LTBP4: variants seen among roughly 807,000 people sequenced by gnomAD.
LTBP4 encodes latent-transforming growth factor beta-binding protein 4.
LTBP4 carries 93 observed loss-of-function variants against 180.2 expected under a neutral mutation model. The ratio of observed to expected loss-of-function variants is 0.52; its 90% CI spans 0.44 to 0.61. LTBP4 has a LOEUF of 0.61. Ranked by LOEUF, LTBP4 falls within the 20% of genes least tolerant of loss-of-function variation. The pLI is 0.00. For missense variants in LTBP4, 2,116 were observed against 2,256.5 expected, an observed-to-expected ratio of 0.94 and a Z score of 1.26; for synonymous variants, 947 against 934.5, an observed-to-expected ratio of 1.01 and a Z score of -0.24.
intron 26 of LTBP4, among the ~76,000 whole-genome samples, chr19:40,625,291 TATATATATATATA>T (rs2081622238): frequency 8.7e-5 from 1 of 11,450 alleles, no homozygotes; most frequent in Non-Finnish European, 1.4e-4. Context: ...TATATATATA[TATATATATATATA>T]TATATATATA....
intron 19 of LTBP4, among the ~76,000 whole-genome samples, chr19:40,616,672 G>C (rs749676728): frequency 2.6e-5 from 4 of 152,232 alleles, no homozygotes; most frequent in Non-Finnish European, 5.9e-5. Context: ...AAAAGTTGCA[G>C]TGAGCTGAGA....
intron 21 of LTBP4, 94 bp from the exon 22 acceptor site, chr19:40,619,253 C>T (rs1193073449): frequency 1.0e-5 from 13 of 1,247,392 alleles, no homozygotes; most frequent in East Asian, 7.1e-5. Flanking sequence ...ATTAAATATA[C>T]ACATTATATT....
intron 21 of LTBP4, among the ~76,000 whole-genome samples, chr19:40,618,732 A>G (rs914873730): frequency 6.6e-6 from 1 of 152,250 alleles, no homozygotes; most frequent in African/African-American, 2.4e-5. Context: ...AGCAATCTTA[A>G]TTATACATTC....
intron 27 of LTBP4, 41 bp from the exon 28 acceptor site, chr19:40,626,934 G>A (rs2081637622): frequency 2.0e-6 from 3 of 1,513,682 alleles, no homozygotes; most frequent in East Asian, 4.6e-5. Flanking sequence ...GGGTGTGGGG[G>A]CCAGCAGGGG....
rs1300967031 is a variant in LTBP4 at position 40,613,683 on chromosome 19, A to T, written c.2557+154A>T. 7 of 1,191,704 alleles carry T rather than the reference A, an allele frequency of 5.9e-6. No individual in the cohort carries two copies. The highest frequency in any genetic ancestry group is 1.6e-5 in the African/African-American group (1 of 62,530). 73.8% of individuals were successfully genotyped at this position (1,191,704 alleles called of 1,614,324 possible). A position where few individuals can be genotyped will look rare whatever the true frequency, so the allele number is the denominator to read the frequency against. On this transcript the variant is annotated intron_variant, in intron 17 of 29. Transcript: ENST00000396819. This position sits in a 1 kb window ranked among gnomAD's most constrained non-coding sequence, Gnocchi z 5.0. ...AGCTGGTGGGAGTCTCGAGGCAGTG[A>T]GGGGGGGCGGGGCGTGGAGATGAAA... is the stretch of plus-strand genomic sequence containing the variant.
At chr19:40,610,328 C>T in intron 11 of LTBP4, 1 of 603,654 alleles carries the variant, frequency 1.7e-6, no homozygotes, top group East Asian at 2.9e-5. Context: ...CCCCAAAGCT[C>T]TCCTTTCTGC....
Position 40,611,016 on chromosome 19 carries a change from CAG to C in LTBP4, c.1811-133_1811-132del. 1.1e-5 allele frequency: 14 copies of C among 1,239,668 alleles called. No individual in the cohort carries two copies. Among genetic ancestry groups the C allele is most frequent in the Middle Eastern group, 2.0e-4 (1 of 5,114 alleles). 76.8% of individuals were successfully genotyped at this position (1,239,668 alleles called of 1,614,324 possible). A position where few individuals can be genotyped will look rare whatever the true frequency, so the allele number is the denominator to read the frequency against. On this transcript the variant is annotated intron_variant, in intron 12 of 29. Coordinates refer to ENST00000396819, the MANE Select transcript of LTBP4 (RefSeq NM_001042545.2). The surrounding 1 kb of genome is among the most constrained non-coding windows in gnomAD (Gnocchi z 4.4). The stretch of plus-strand genomic sequence containing the variant: ...GCTTAGTAGGGATTGGTGGAGGATG[CAG>C]AGTCAGATGATGGTGACAAGGAGGA...
rs1283401126 is a variant in LTBP4, at chr19:40,608,294, C to A, written c.1231C>A (p.Pro411Thr). The A allele has an allele frequency of 3.1e-6, 5 of 1,613,890 alleles. No homozygotes were observed. The highest frequency in any genetic ancestry group is 4.2e-6 in the Non-Finnish European group (5 of 1,179,866). ...CTCCGACCTCCGCTACAACACCAGA[C>A]CCCTGGGCCAGGAGCCACCCCGAGT... Reference protein sequence around the residue: ...SASDLRYNTRPLGQEPPRVSL... With the variant: ...SASDLRYNTRTLGQEPPRVSL... The change falls in exon 8 of 30, where the codon CCC becomes ACC. Residue 411 changes from proline to threonine, a missense_variant. By Grantham distance (38) the Pro-to-Thr change is conservative. Around this residue, in one of 5 missense-constraint regions of LTBP4, gnomAD observed 877 missense variants for 873.6 expected, o/e 1.00. Coordinates refer to ENST00000396819, the MANE Select transcript of LTBP4 (RefSeq NM_001042545.2).
Position 40,609,521 on chromosome 19 carries a change from AC to A in LTBP4, c.1427-3del, listed in dbSNP as rs752430637. The A allele has an allele frequency of 1.4e-5, 22 of 1,609,326 alleles. No individual in the cohort carries two copies. Among genetic ancestry groups the A allele is most frequent in the Non-Finnish European group, 8.5e-6 (10 of 1,177,252 alleles). ...AGATGGGGGAACCCTGGCTGACTGGACCCCCCAGGTCCCTCCTCCGGCATGT... is the reference window on the plus strand; with the variant it reads ...AGATGGGGGAACCCTGGCTGACTGGACCCCCAGGTCCCTCCTCCGGCATGT... On this transcript the variant is annotated splice_region_variant and splice_polypyrimidine_tract_variant and intron_variant, in intron 9 of 29. Coordinates refer to ENST00000396819, the MANE Select transcript of LTBP4 (RefSeq NM_001042545.2). The surrounding 1 kb of genome is among the most constrained non-coding windows in gnomAD (Gnocchi z 4.9).
At chr19:40,614,203 G>C in intron 18 of LTBP4, 112 bp from the exon 19 acceptor site, 1 of 1,451,918 alleles carries the variant, frequency 6.9e-7, no homozygotes, top group Non-Finnish European at 9.4e-7. Flanking sequence ...ATCTTCTCCT[G>C]CCCTCTCCTC....
chr19:40,598,814 G>A (rs1460363622), upstream of LTBP4, among the ~76,000 whole-genome samples: 1 of 152,202 alleles, frequency 6.6e-6, no homozygotes, highest in Non-Finnish European at 1.5e-5. Flanking sequence ...CCCGGACCGG[G>A]ATGTGCGGGA....
rs2081640067 is a variant in LTBP4 at position 40,627,124 on chromosome 19, G to A, written c.4135G>A (p.Ala1379Thr). The A allele has an allele frequency of 6.2e-7, 1 of 1,613,782 alleles. No individual in the cohort carries two copies. The highest frequency in any genetic ancestry group is 1.3e-5 in the African/African-American group (1 of 74,924). ...PYGPELYPPP[A>T]LPYDPYPPPP... ...TGGGCCTGAGTTGTACCCACCACCT[G>A]CGCTACCCTACGACCCCTACCCACC... is the stretch of plus-strand genomic sequence containing the variant. The change falls in exon 28 of 30, where the codon GCG (alanine) becomes ACG (threonine). Residue 1379 changes from alanine to threonine, a missense_variant. Ala to Thr is a moderately conservative substitution (Grantham distance 58). Transcript: ENST00000396819.
chr19:40,617,553 A>T (rs1437891003), intron 21 of LTBP4, among the ~76,000 whole-genome samples: 1 of 151,958 alleles, frequency 6.6e-6, no homozygotes, highest in Non-Finnish European at 1.5e-5. Context: ...CTGAGGCACA[A>T]GAATTGCCTG....
chr19:40,628,584 T>C (rs1312297022), intron 29 of LTBP4, among the ~76,000 whole-genome samples: 1 of 152,238 alleles, frequency 6.6e-6, no homozygotes, highest in African/African-American at 2.4e-5. Context: ...TGTGTGACGC[T>C]GGACAGGTCA....
Position 40,610,522 on chromosome 19 carries a change from G to T in LTBP4, c.1685-10G>T. On this transcript the variant is annotated splice_polypyrimidine_tract_variant and intron_variant, in intron 11 of 29. Transcript: ENST00000396819. ...TGCCCCAGTCCCAGCCGCCTGGTCT[G>T]TGCCTACAGATGTGGACGAGTGCCA... 1 of 1,591,566 alleles carries T rather than the reference G, an allele frequency of 6.3e-7. No individual in the cohort carries two copies. Among genetic ancestry groups the T allele is most frequent in the Non-Finnish European group, 8.5e-7 (1 of 1,174,184 alleles).
intron 7 of LTBP4, 57 bp downstream of exon 7, chr19:40,607,586 C>T (rs1024577975): frequency 2.0e-6 from 3 of 1,502,326 alleles, no homozygotes; most frequent in South Asian, 1.3e-5. Flanking sequence ...GCTCATTCTA[C>T]GCCCCACCCT....
chr19:40,623,630 G>C lies in LTBP4; in HGVS notation c.3583G>C (p.Asp1195His), dbSNP rs369387310. Residue 1195 changes from aspartate to histidine, a missense_variant, in exon 25 of 30, where the codon GAC (aspartate) becomes CAC (histidine). Transcript: ENST00000396819. ...CGTGGACGAATGTCAGCTCTTCCGA[G>C]ACCAGGTGTGCAAGAGTGGCGTGTG... ...RDVDECQLFR[D>H]QVCKSGVCVN... 30 of 1,613,632 alleles carry C rather than the reference G, an allele frequency of 1.9e-5. No homozygotes were observed. The highest frequency in any genetic ancestry group is 2.3e-5 in the Non-Finnish European group (27 of 1,179,854).
At position 40,623,980 on chromosome 19, in the gene LTBP4, C is replaced by G. The variant is rs1321298388; in HGVS notation, c.3730C>G (p.Arg1244Gly). The G allele has an allele frequency of 1.2e-6, 2 of 1,613,696 alleles. No homozygotes were observed. Among genetic ancestry groups the G allele is most frequent in the African/African-American group, 2.7e-5 (2 of 74,936 alleles). ...ADEEPACEGG[R>G]CVNTVGSYHC... is the part of the protein sequence containing the mutation. ...TGAGGAACCGGCCTGTGAGGGCGGC[C>G]GCTGTGTCAACACTGTGGGCTCTTA... Residue 1244 changes from arginine (R) to glycine (G), a missense_variant, in exon 26 of 30, where the codon CGC (arginine) becomes GGC (glycine). Coordinates refer to ENST00000396819, the MANE Select transcript of LTBP4 (RefSeq NM_001042545.2).
In LTBP4 at chr19:40,601,569, G is replaced by C; in HGVS notation, c.182G>C (p.Arg61Pro). 2 of 1,471,212 alleles carry C rather than the reference G, an allele frequency of 1.4e-6. No individual in the cohort carries two copies. The highest frequency in any genetic ancestry group is 1.8e-6 in the Non-Finnish European group (2 of 1,116,744). 91.1% of individuals were successfully genotyped at this position (1,471,212 alleles called of 1,614,324 possible). The change falls in exon 1 of 30, where the codon CGC (arginine) becomes CCC (proline). Residue 61 changes from arginine to proline, a missense_variant. This residue lies in a region of LTBP4 where 469 missense variants were observed against 532.5 expected (regional missense o/e 0.88). Coordinates refer to ENST00000396819, the MANE Select transcript of LTBP4 (RefSeq NM_001042545.2). Reference sequence around the variant, plus strand: ...CGCTGTACCCCGACCTGCGCGCCCCGCAACGCCACCAGCGTGGACAGCGGC... The same window carrying C: ...CGCTGTACCCCGACCTGCGCGCCCCCCAACGCCACCAGCGTGGACAGCGGC... The part of the protein sequence containing the change: ...GSRCTPTCAP[R>P]NATSVDSGAP...
Sources: gnomAD v4.1 joint callset for allele counts (sites outside exome capture counted in the v4.1 genomes callset) on GRCh38, gnomAD v4.1.1 for gene constraint, gnomAD v4.1.1 regional missense constraint, Gnocchi (gnomAD v3.1) non-coding constraint, MANE v1.5 for transcripts, NCBI Gene and HGNC (gene_info 2026-07-23, HGNC 2026-07-21) for gene names.